Variants in USP12 observed in about 807,000 individuals in gnomAD.
The protein encoded by USP12 is ubiquitin carboxyl-terminal hydrolase 12.
USP12 carries 19 observed loss-of-function variants against 45.5 expected under a neutral mutation model. The observed-to-expected ratio is 0.42, with a 90% CI of 0.29 to 0.61. The LOEUF is 0.61. Among genes scored for constraint, USP12 ranks in the 20% least tolerant of loss-of-function variants. USP12 has a pLI of 0.22. For synonymous variants in USP12, 149 were observed against 148.8 expected, an observed-to-expected ratio of 1.00 and a Z score of -0.01; for missense variants, 242 against 447.7, an observed-to-expected ratio of 0.54 and a Z score of 4.15.
intron 6 of USP12, chr13:27,089,641 G>A (rs1459390977): frequency 2.5e-5 from 11 of 432,018 alleles, no homozygotes. Flanking sequence ...TAACTGTACT[G>A]GTTTATGATG....
intron 6 of USP12, among the ~76,000 whole-genome samples, chr13:27,088,674 G>C (rs796826220): frequency 7.9e-5 from 12 of 152,282 alleles, no homozygotes; most frequent in African/African-American, 2.9e-4. Context: ...AGTCTGTAAT[G>C]AGCTTCCTGT....
chr13:27,075,130 G>T, intron 7 of USP12, 61 bp downstream of exon 7: 1 of 1,525,388 alleles, frequency 6.6e-7, no homozygotes, highest in Non-Finnish European at 9.0e-7. Context: ...TGAACATCTT[G>T]AATGTACCCT....
At chr13:27,156,952 G>A (rs1877872108) in intron 1 of USP12, among the ~76,000 whole-genome samples, 2 of 152,136 alleles carry the variant, frequency 1.3e-5, no homozygotes, top group East Asian at 1.9e-4. Context: ...AGAGGTCTCA[G>A]GCAGAATCCT....
At chr13:27,072,074 T>A (rs1873267791) in intron 7 of USP12, among the ~76,000 whole-genome samples, 1 of 151,992 alleles carries the variant, frequency 6.6e-6, no homozygotes. Context: ...GAGATAAATA[T>A]CTTTGACAGA....
chr13:27,104,692 T>C (rs1875044347), intron 3 of USP12, among the ~76,000 whole-genome samples: 1 of 152,244 alleles, frequency 6.6e-6, no homozygotes, highest in African/African-American at 2.4e-5. Context: ...AGCCTATTTC[T>C]GGGTCATCTT....
At chr13:27,134,254 A>T (rs1355160192) in intron 1 of USP12, among the ~76,000 whole-genome samples, 1 of 152,254 alleles carries the variant, frequency 6.6e-6, no homozygotes, top group Non-Finnish European at 1.5e-5. Context: ...TATAGGACAG[A>T]ATTTGGAGAA....
intron 1 of USP12, among the ~76,000 whole-genome samples, chr13:27,155,134 T>G (rs1203492369): frequency 7.7e-6 from 1 of 129,938 alleles, no homozygotes; most frequent in Non-Finnish European, 1.5e-5. Context: ...CAGACTGGAG[T>G]GCAGTGGCGC....
intron 4 of USP12, among the ~76,000 whole-genome samples, chr13:27,092,015 T>C (rs1214617967): frequency 6.6e-6 from 1 of 152,248 alleles, no homozygotes; most frequent in Non-Finnish European, 1.5e-5. Flanking sequence ...TGGAACTGCC[T>C]GAACACTGCT....
intron 2 of USP12, among the ~76,000 whole-genome samples, 174 bp from the exon 3 acceptor site, chr13:27,106,118 A>T (rs539914186): frequency 6.6e-6 from 1 of 152,298 alleles, no homozygotes; most frequent in East Asian, 1.9e-4. Context: ...ATTCTTTGGA[A>T]ATCACAAAAG....
chr13:27,156,929 A>G (rs2137838470), intron 1 of USP12, among the ~76,000 whole-genome samples: 1 of 152,342 alleles, frequency 6.6e-6, no homozygotes, highest in Non-Finnish European at 1.5e-5. Flanking sequence ...CAAAAGCACT[A>G]GACTAAATAC....
At chr13:27,098,754 A>T (rs1274921056) in intron 3 of USP12, among the ~76,000 whole-genome samples, 4 of 152,246 alleles carry the variant, frequency 2.6e-5, no homozygotes, top group African/African-American at 9.6e-5. Flanking sequence ...TTATAACAGC[A>T]GAAGTCTGAA....
chr13:27,152,676 C>G (rs972817571), intron 1 of USP12, among the ~76,000 whole-genome samples: 1 of 152,206 alleles, frequency 6.6e-6, no homozygotes, highest in Admixed American at 6.5e-5. Context: ...GGCGTGGTGG[C>G]TCCCGCTTGT....
intron 1 of USP12, among the ~76,000 whole-genome samples, chr13:27,149,516 G>A (rs1593209283): frequency 6.6e-6 from 1 of 152,102 alleles, no homozygotes; most frequent in Non-Finnish European, 1.5e-5. Context: ...TAGAATAAAC[G>A]AGTTCAGCAA....
intron 7 of USP12, among the ~76,000 whole-genome samples, chr13:27,073,729 AG>A (rs1222376983): frequency 2.0e-5 from 3 of 152,240 alleles, no homozygotes; most frequent in Non-Finnish European, 4.4e-5. Flanking sequence ...ATAGAACAGT[AG>A]CAGTAGCTAA....
chr13:27,117,088 A>AAG (rs1875780972), intron 1 of USP12, among the ~76,000 whole-genome samples: 6 of 152,222 alleles, frequency 3.9e-5, no homozygotes. Flanking sequence ...GCTACCTAAC[A>AAG]CAAAGAAAAG....
At chr13:27,093,970 G>C (rs1874440098) in intron 4 of USP12, among the ~76,000 whole-genome samples, 1 of 152,124 alleles carries the variant, frequency 6.6e-6, no homozygotes, top group African/African-American at 2.4e-5. Context: ...CAATATTCTG[G>C]AAAAGGCAAA....
intron 6 of USP12, among the ~76,000 whole-genome samples, chr13:27,078,286 A>G (rs1166993388): frequency 6.6e-6 from 1 of 152,200 alleles, no homozygotes; most frequent in Admixed American, 6.5e-5. Context: ...CTACTTATAT[A>G]CCATTTACAT....
intron 6 of USP12, among the ~76,000 whole-genome samples, chr13:27,079,658 T>C (rs2497966): frequency 0.96 from 146,250 of 152,282 alleles, 70,522 homozygotes; most frequent in East Asian, 1. Flanking sequence ...GTCAGAAACG[T>C]TTTTTAAAGT....
At chr13:27,170,692 C>T (rs1226604924) in intron 1 of USP12, among the ~76,000 whole-genome samples, 1 of 152,192 alleles carries the variant, frequency 6.6e-6, no homozygotes, top group African/African-American at 2.4e-5. Flanking sequence ...TTTAAACGCC[C>T]TAGGAAAACA....
Sources: gnomAD v4.1 joint callset for allele counts (sites outside exome capture counted in the v4.1 genomes callset) on GRCh38, gnomAD v4.1.1 for gene constraint, MANE v1.5 for transcripts, NCBI Gene and HGNC (gene_info 2026-07-23, HGNC 2026-07-21) for gene names.